CLIC5: variants seen among roughly 807,000 people sequenced by gnomAD.
CLIC5 encodes the protein chloride intracellular channel protein 5.
In CLIC5, 20 loss-of-function variants were observed where a neutral mutation model predicts 24.7. The ratio of observed to expected loss-of-function variants is 0.81; its 90% CI spans 0.57 to 1.18. The LOEUF (loss-of-function observed/expected upper bound fraction) is 1.18. Among genes scored for constraint, CLIC5 ranks in the 50% most tolerant of loss-of-function variants. The probability of loss-of-function intolerance (pLI) is 0.00; values close to 1 mark genes in which losing one functional copy is unlikely to be tolerated. For synonymous variants in CLIC5, 159 were observed against 135.6 expected, an observed-to-expected ratio of 1.17 and a Z score of -1.20; for missense variants, 341 against 326.1, an observed-to-expected ratio of 1.05 and a Z score of -0.35.
At chr6:46,115,699 C>A in the CLIC5 span, among the ~76,000 whole-genome samples, 7 of 152,274 alleles carry the variant, frequency 4.6e-5, no homozygotes, top group African/African-American at 4.8e-5. Context: ...CAAGTAGACC[C>A]TTTATTTTTA....
intron 1 of CLIC5, among the ~76,000 whole-genome samples, chr6:46,001,398 T>G (rs986439834): frequency 3.9e-5 from 6 of 152,178 alleles, no homozygotes; most frequent in African/African-American, 1.2e-4. Context: ...CCCCTCATGT[T>G]GCACACTTGA....
the CLIC5 span, among the ~76,000 whole-genome samples, chr6:46,096,130 A>AGTAGGGG: frequency 1.3e-5 from 2 of 152,150 alleles, no homozygotes; most frequent in East Asian, 3.9e-4. Context: ...ACCAAGAGAG[A>AGTAGGGG]GTAGGGGGAG....
intron 1 of CLIC5, among the ~76,000 whole-genome samples, chr6:46,013,104 G>T (rs1385967226): frequency 6.6e-6 from 1 of 152,128 alleles, no homozygotes; most frequent in Non-Finnish European, 1.5e-5. Flanking sequence ...ACACCCAGTG[G>T]AAACAAGAGG....
At chr6:45,991,701 T>C (rs1456295585) in intron 1 of CLIC5, among the ~76,000 whole-genome samples, 5 of 152,152 alleles carry the variant, frequency 3.3e-5, no homozygotes, top group Admixed American at 1.3e-4. Context: ...TCTACAGAAC[T>C]GATGAATGTA....
intron 4 of CLIC5, among the ~76,000 whole-genome samples, chr6:45,932,266 G>A (rs796966188): frequency 1.3e-5 from 2 of 152,028 alleles, no homozygotes; most frequent in African/African-American, 2.4e-5. Flanking sequence ...ATGCCCCCAC[G>A]ACCAGCTAAT....
At chr6:46,033,023 C>T (rs1265139002) in intron 1 of CLIC5, among the ~76,000 whole-genome samples, 2 of 120,278 alleles carry the variant, frequency 1.7e-5, no homozygotes, top group Non-Finnish European at 3.2e-5. Flanking sequence ...GAGTCTTGCT[C>T]TGCCACCCAG....
chr6:45,948,789 G>A (rs1437198584), intron 3 of CLIC5, among the ~76,000 whole-genome samples: 1 of 152,016 alleles, frequency 6.6e-6, no homozygotes, highest in Admixed American at 6.6e-5. Flanking sequence ...GTTTAATTGT[G>A]GACTCAGACC....
chr6:46,016,357 C>G (rs1017817859), upstream of CLIC5, among the ~76,000 whole-genome samples: 2 of 152,116 alleles, frequency 1.3e-5, no homozygotes. Flanking sequence ...CTCAGAACCC[C>G]CACCAAAAGG....
chr6:45,893,816 A>G (rs1254709023), downstream of CLIC5, among the ~76,000 whole-genome samples: 1 of 152,208 alleles, frequency 6.6e-6, no homozygotes, highest in Non-Finnish European at 1.5e-5. Context: ...TGGGGGTGGT[A>G]TACACTGGGT....
chr6:45,926,035 T>C (rs541871185), intron 4 of CLIC5, among the ~76,000 whole-genome samples: 1 of 152,094 alleles, frequency 6.6e-6, no homozygotes, highest in Non-Finnish European at 1.5e-5. Context: ...CATGGATAAC[T>C]ATCATTGCAA....
At chr6:46,016,406 G>A (rs964595354), upstream of CLIC5, among the ~76,000 whole-genome samples, 1 of 152,114 alleles carries the variant, frequency 6.6e-6, no homozygotes, top group Non-Finnish European at 1.5e-5. Flanking sequence ...AGGAGAGTAG[G>A]GTGCTGGGGA....
At chr6:46,072,492 G>A (rs577689495) in intron 1 of CLIC5, among the ~76,000 whole-genome samples, 1 of 152,254 alleles carries the variant, frequency 6.6e-6, no homozygotes, top group South Asian at 2.1e-4. Flanking sequence ...TAGTGATGCT[G>A]TCCAGGATGA....
rs547139194 is a variant in CLIC5 at position 46,031,925 on chromosome 6, CAT to C, written c.540+47776_540+47777del. 4.6e-3 allele frequency among the ~76,000 whole-genome samples: 605 copies of C among 132,878 alleles called. 2 individuals are homozygous for C. The highest frequency in any genetic ancestry group is 7.3e-3 in the Non-Finnish European group (437 of 59,806). The allele number at this position is 132,878 out of a possible 152,430, so 87.2% of individuals were successfully genotyped here. The stretch of plus-strand genomic sequence containing the variant: ...ATATACAACATATATATGTACACAA[CAT>C]ATATATATATATACACACACACACA... On this transcript the variant is annotated intron_variant, in intron 1 of 5. Transcript: ENST00000185206.
intron 1 of CLIC5, among the ~76,000 whole-genome samples, chr6:45,957,472 G>A (rs1764683369): frequency 1.3e-5 from 2 of 152,124 alleles, no homozygotes; most frequent in African/African-American, 4.8e-5. Flanking sequence ...AGTGCTCTGA[G>A]CTGCATGCCT....
intron 1 of CLIC5, among the ~76,000 whole-genome samples, chr6:46,065,699 T>G (rs1163619261): frequency 6.6e-6 from 1 of 152,200 alleles, no homozygotes; most frequent in East Asian, 1.9e-4. Context: ...TTATACAATA[T>G]GTTTTAAAAG....
chr6:46,074,889 G>A (rs778280481), intron 1 of CLIC5, among the ~76,000 whole-genome samples: 11 of 152,198 alleles, frequency 7.2e-5, no homozygotes, highest in Non-Finnish European at 1.6e-4. Flanking sequence ...TTATGCAAAA[G>A]TATTGACAAA....
intron 6 of CLIC5, among the ~76,000 whole-genome samples, chr6:45,892,541 G>A (rs183848609): frequency 2.6e-5 from 4 of 152,254 alleles, no homozygotes; most frequent in East Asian, 3.9e-4. Context: ...GGTGCAGTGC[G>A]GGCTTTGTTC....
the CLIC5 span, among the ~76,000 whole-genome samples, chr6:46,119,266 T>C: frequency 1.3e-5 from 2 of 152,230 alleles, no homozygotes; most frequent in Non-Finnish European, 2.9e-5. Flanking sequence ...TCATCCTGAA[T>C]CCATTTCCTG....
the CLIC5 span, among the ~76,000 whole-genome samples, chr6:46,089,697 T>C: frequency 2.0e-5 from 3 of 152,262 alleles, no homozygotes; most frequent in African/African-American, 7.2e-5. Flanking sequence ...CCTCCCCTTC[T>C]CCCACAACTA....
Sources: gnomAD v4.1 joint callset for allele counts (sites outside exome capture counted in the v4.1 genomes callset) on GRCh38, gnomAD v4.1.1 for gene constraint, MANE v1.5 for transcripts, NCBI Gene and HGNC (gene_info 2026-07-23, HGNC 2026-07-21) for gene names.